The following USP10 variants were observed in gnomAD, a reference collection of about 807,000 sequenced individuals.
USP10 encodes ubiquitin carboxyl-terminal hydrolase 10.
A neutral mutation model predicts 84.5 loss-of-function variants in USP10; 22 were observed. The observed-to-expected ratio is 0.26, with a 90% CI of 0.19 to 0.37. The LOEUF (loss-of-function observed/expected upper bound fraction) is 0.37. USP10 is among the 10% of genes least tolerant of loss of function. The pLI is 1.00. For synonymous variants in USP10, 454 were observed against 387.6 expected, an observed-to-expected ratio of 1.17 and a Z score of -2.01; for missense variants, 1,019 against 998.9, an observed-to-expected ratio of 1.02 and a Z score of -0.27.
intron 1 of USP10, among the ~76,000 whole-genome samples, chr16:84,732,879 A>G (rs1053768448): frequency 1.1e-4 from 17 of 152,240 alleles, no homozygotes; most frequent in Non-Finnish European, 2.4e-4. Flanking sequence ...CAGGCTTGCA[A>G]CAAGGGCTGT....
intron 1 of USP10, among the ~76,000 whole-genome samples, chr16:84,705,336 A>G (rs1421867448): frequency 2.0e-5 from 3 of 151,256 alleles, no homozygotes; most frequent in Non-Finnish European, 2.9e-5. Context: ...GGTTCAAGTG[A>G]TTCTCCTGCC....
chr16:84,721,656 G>A (rs2049145752), intron 1 of USP10, among the ~76,000 whole-genome samples: 2 of 151,846 alleles, frequency 1.3e-5, no homozygotes, highest in Non-Finnish European at 2.9e-5. Flanking sequence ...GCCCTCCCAA[G>A]TAACTGGGAC....
intron 1 of USP10, among the ~76,000 whole-genome samples, chr16:84,704,570 C>G (rs1374214973): frequency 6.6e-6 from 1 of 152,170 alleles, no homozygotes; most frequent in African/African-American, 2.4e-5. Context: ...CCATTTCTGT[C>G]AATACAGGCT....
chr16:84,740,172 A>G (rs543059144), intron 2 of USP10, 137 bp from the exon 3 acceptor site: 41 of 667,638 alleles, frequency 6.1e-5, no homozygotes, highest in South Asian at 6.1e-4. Context: ...CTCTTCATGT[A>G]TGTTATTCTG....
chr16:84,729,065 C>G (rs1254115583), intron 1 of USP10, among the ~76,000 whole-genome samples: 2 of 150,872 alleles, frequency 1.3e-5, no homozygotes, highest in South Asian at 4.2e-4. Flanking sequence ...CTGGAAGTGA[C>G]GAGATTACAA....
chr16:84,708,376 T>C (rs1198714081), intron 1 of USP10, among the ~76,000 whole-genome samples: 2 of 152,050 alleles, frequency 1.3e-5, no homozygotes, highest in Non-Finnish European at 1.5e-5. Context: ...CTTGAACCCG[T>C]GGGGGCAGAG....
In USP10 at chr16:84,764,107, C is replaced by G; in HGVS notation, c.1676C>G (p.Pro559Arg). The G allele has an allele frequency of 6.2e-7, 1 of 1,613,546 alleles. No homozygotes were observed. Among genetic ancestry groups the G allele is most frequent in the Non-Finnish European group, 8.5e-7 (1 of 1,179,692 alleles). ...TCAGAACTTACGATTTCCAACGGCC[C>G]CAAAAACCACTCGGTCAATGAAGAA... is the stretch of plus-strand genomic sequence containing the variant. ...SNEKLTISNG[P>R]KNHSVNEEEQ... The change falls in exon 10 of 14, where the codon CCC becomes CGC. Residue 559 changes from proline (P) to arginine (R), a missense_variant. Pro to Arg is a moderately radical substitution (Grantham distance 103). This residue lies in a region of USP10 where 787 missense variants were observed against 708.8 expected (regional missense o/e 1.11). Transcript: ENST00000219473.
rs1341542302 is a variant in USP10, at chr16:84,745,094, A to T, written c.613A>T (p.Thr205Ser). Residue 205 changes from threonine to serine, a missense_variant, in exon 4 of 14, where the codon ACG (threonine) becomes TCG (serine). Around this residue, in one of 2 missense-constraint regions of USP10, gnomAD observed 787 missense variants for 708.8 expected, o/e 1.11. Coordinates refer to ENST00000219473, the MANE Select transcript of USP10 (RefSeq NM_005153.3). ...EFMGDMPPSV[T>S]PRTCNSPQNS... ...TATGGGTGACATGCCCCCGTCAGTTACGCCCAGGACTTGTAACAGCCCCCA... is the reference window on the plus strand; with the variant it reads ...TATGGGTGACATGCCCCCGTCAGTTTCGCCCAGGACTTGTAACAGCCCCCA... The T allele has an allele frequency of 6.2e-7, 1 of 1,613,492 alleles. No individual in the cohort carries two copies. The highest frequency in any genetic ancestry group is 1.3e-5 in the African/African-American group (1 of 74,914).
chr16:84,724,219 T>C (rs552552112), intron 1 of USP10, among the ~76,000 whole-genome samples: 358 of 152,312 alleles, frequency 2.4e-3, no homozygotes, highest in African/African-American at 8.1e-3. Context: ...AGTTCTAATA[T>C]AGACACAGGA....
intron 1 of USP10, among the ~76,000 whole-genome samples, chr16:84,719,949 A>G (rs1401433291): frequency 2.0e-5 from 3 of 152,222 alleles, no homozygotes; most frequent in Non-Finnish European, 2.9e-5. Flanking sequence ...TTTTCAACAG[A>G]TAGTAATTTT....
chr16:84,739,719 C>T (rs905700047), intron 2 of USP10, among the ~76,000 whole-genome samples: 9 of 152,212 alleles, frequency 5.9e-5, no homozygotes, highest in Non-Finnish European at 1.2e-4. Flanking sequence ...AGACAGTTCC[C>T]ATTCTGCTTT....
At chr16:84,769,671 T>G (rs1914222193) in intron 11 of USP10, among the ~76,000 whole-genome samples, 1 of 152,156 alleles carries the variant, frequency 6.6e-6, no homozygotes, top group South Asian at 2.1e-4. Context: ...GCACTCTGCT[T>G]ATGCTGTTTC....
intron 12 of USP10, among the ~76,000 whole-genome samples, chr16:84,773,499 C>T (rs906049859): frequency 1.3e-5 from 2 of 152,130 alleles, no homozygotes; most frequent in Non-Finnish European, 2.9e-5. Flanking sequence ...GGCTTCTAGC[C>T]GGCTCCCTGT....
In USP10 at chr16:84,744,963, G is replaced by C; in HGVS notation, c.482G>C (p.Ser161Thr). The part of the protein sequence containing the change: ...KKKKRPPGYY[S>T]YLKDGGDDSI... ...AAAAAGCGGCCACCTGGATATTACA[G>C]CTATTTGAAAGATGGTGGCGATGAT... The change falls in exon 4 of 14, where the codon AGC (serine) becomes ACC (threonine). Residue 161 changes from serine to threonine, a missense_variant. Ser to Thr is a moderately conservative substitution (Grantham distance 58, BLOSUM62 1). Transcript: ENST00000219473. The C allele has an allele frequency of 6.2e-7, 1 of 1,613,812 alleles. No individual in the cohort carries two copies. The highest frequency in any genetic ancestry group is 2.2e-5 in the East Asian group (1 of 44,890).
chr16:84,738,065 G>T (rs1463533320), intron 2 of USP10, among the ~76,000 whole-genome samples: 2 of 149,600 alleles, frequency 1.3e-5, no homozygotes, highest in Non-Finnish European at 3.0e-5. Flanking sequence ...ACAGCCGGAA[G>T]ATGGTGAGCA....
intron 8 of USP10, among the ~76,000 whole-genome samples, chr16:84,762,021 C>G (rs532420182): frequency 6.6e-6 from 1 of 152,350 alleles, no homozygotes; most frequent in East Asian, 1.9e-4. Flanking sequence ...TCAAACAGAA[C>G]AATTTGCAGG....
Position 84,745,417 on chromosome 16 carries a change from G to A in USP10, c.936G>A (p.Leu312=). The A allele has an allele frequency of 6.2e-7, 1 of 1,613,740 alleles. No homozygotes were observed. The highest frequency in any genetic ancestry group is 1.1e-5 in the South Asian group (1 of 91,068). The change falls in exon 4 of 14, where the codon TTG becomes TTA. Residue 312 remains leucine (L), a synonymous_variant. Transcript: ENST00000219473. The part of the protein sequence containing the change: ...VELHTTESID[L]DPTKPESASP... ...TGCACACCACGGAAAGCATAGACTT[G>A]GACCCAACCAAACCCGAGAGTGCAT...
chr16:84,711,398 G>A (rs1567589815), intron 1 of USP10, among the ~76,000 whole-genome samples: 1 of 152,180 alleles, frequency 6.6e-6, no homozygotes, highest in Non-Finnish European at 1.5e-5. Flanking sequence ...GTGAGCATCT[G>A]ATGTCCCAGA....
At chr16:84,769,472 T>G (rs1276775581) in intron 11 of USP10, among the ~76,000 whole-genome samples, 1 of 152,172 alleles carries the variant, frequency 6.6e-6, no homozygotes, top group Non-Finnish European at 1.5e-5. Flanking sequence ...AACTTGGTAG[T>G]TGACTTCAGT....
Sources: gnomAD v4.1 joint callset for allele counts (sites outside exome capture counted in the v4.1 genomes callset) on GRCh38, gnomAD v4.1.1 for gene constraint, gnomAD v4.1.1 regional missense constraint, MANE v1.5 for transcripts, NCBI Gene and HGNC (gene_info 2026-07-23, HGNC 2026-07-21) for gene names.